Variants in ASPM observed in about 807,000 individuals in gnomAD.
ASPM encodes abnormal spindle-like microcephaly-associated protein.
In ASPM, 256 loss-of-function variants were observed where a neutral mutation model predicts 366.4. That is an observed-to-expected ratio of 0.70 (90% CI 0.63 to 0.77). The LOEUF (loss-of-function observed/expected upper bound fraction) is 0.77, where lower values mean the gene tolerates loss of function less well. ASPM is among the 30% of genes least tolerant of loss of function. The pLI is 0.00. For missense variants in ASPM, 4,146 were observed against 4,090.4 expected, an observed-to-expected ratio of 1.01 and a Z score of -0.37; for synonymous variants, 1,414 against 1,342.9, an observed-to-expected ratio of 1.05 and a Z score of -1.16.
intron 18 of ASPM, among the ~76,000 whole-genome samples, chr1:197,096,446 A>G (rs999158059): frequency 6.6e-6 from 1 of 151,740 alleles, no homozygotes; most frequent in Non-Finnish European, 1.5e-5. Context: ...ATTGTAAGAC[A>G]CACATGTCTG....
chr1:197,110,157 A>G lies in ASPM; in HGVS notation c.4066-4972T>C, dbSNP rs576427745. Among the ~76,000 whole-genome samples, 59 of 152,186 alleles carry G rather than the reference A, an allele frequency of 3.9e-4. 1 individual carries two copies. The highest frequency in any genetic ancestry group is 1.1e-3 in the African/African-American group (46 of 41,556). Reference sequence around the variant, plus strand: ...AAAGAATAAAATTGGACGAATCACAATATCCATTAAGGCTTACTATAAAGC... The same window carrying G: ...AAAGAATAAAATTGGACGAATCACAGTATCCATTAAGGCTTACTATAAAGC... On this transcript the variant is annotated intron_variant, in intron 17 of 27. Coordinates refer to ENST00000367409, the MANE Select transcript of ASPM (RefSeq NM_018136.5).
rs753872478 is a variant in ASPM, at chr1:197,096,083, A to C, written c.8902T>G (p.Trp2968Gly). 1 of 1,609,798 alleles carries C rather than the reference A, an allele frequency of 6.2e-7. No individual in the cohort carries two copies. Among genetic ancestry groups the C allele is most frequent in the Non-Finnish European group, 8.5e-7 (1 of 1,176,718 alleles). ...ACKIQAWYRC[W>G]RAHKEYLAIL... ...GCTAGATATTCTTTGTGTGCTCTCC[A>C]ACATCTATACCAGGCTTGAATCTTG... Residue 2968 changes from tryptophan to glycine, a missense_variant, in exon 19 of 28, where the codon TGG (tryptophan) becomes GGG (glycine). Coordinates refer to ENST00000367409, the MANE Select transcript of ASPM (RefSeq NM_018136.5).
chr1:197,088,903 T>G (rs989600295), intron 25 of ASPM, among the ~76,000 whole-genome samples: 11 of 152,024 alleles, frequency 7.2e-5, no homozygotes, highest in African/African-American at 2.7e-4. Flanking sequence ...ATACATATGA[T>G]GCTAGTAAGT....
chr1:197,122,633 AGAAAGTAGTATAG>A, intron 13 of ASPM, 38 bp from the exon 14 acceptor site: 1 of 1,508,946 alleles, frequency 6.6e-7, no homozygotes, highest in Non-Finnish European at 9.1e-7. Flanking sequence ...AACCGCATTT[AGAAAGTAGTATAG>A]ACATAATGGT....
chr1:197,094,146 GA>G lies in ASPM; in HGVS notation c.9021del (p.Gln3008ArgfsTer12), dbSNP rs1191792947. On this transcript the variant is annotated frameshift_variant, in exon 20 of 28. Transcript: ENST00000367409. LOFTEE classifies it high-confidence loss of function. ...FLNVRASAII[I>X]QRKWRAILPA... ...GGAAGTATAGCTCTCCATTTTCTCTGAATGATAATTGCTGATGCTCTCACAT... is the reference window on the plus strand; with the variant it reads ...GGAAGTATAGCTCTCCATTTTCTCTGATGATAATTGCTGATGCTCTCACAT... The G allele has an allele frequency of 1.2e-6, 2 of 1,607,132 alleles. No individual in the cohort carries two copies. The highest frequency in any genetic ancestry group is 1.7e-6 in the Non-Finnish European group (2 of 1,175,820).
Position 197,102,317 on chromosome 1 carries a change from G to T in ASPM, c.6934C>A (p.Gln2312Lys), listed in dbSNP as rs1243117687. 1.2e-6 allele frequency: 2 copies of T among 1,612,614 alleles called. No homozygotes were observed. The highest frequency in any genetic ancestry group is 1.7e-6 in the Non-Finnish European group (2 of 1,179,210). The change falls in exon 18 of 28, where the codon CAA becomes AAA. Residue 2312 changes from glutamine (Q) to lysine (K), a missense_variant. Coordinates refer to ENST00000367409, the MANE Select transcript of ASPM (RefSeq NM_018136.5). ...TKHHLQFLQV[Q>K]NAVIKIQSSY... is the part of the protein sequence containing the mutation. The stretch of plus-strand genomic sequence containing the variant: ...GACTGGATTTTAATAACTGCATTTT[G>T]TACCTGAAGGAACTGTAAGTGATGC...
rs1657783084 is a variant in ASPM at position 197,117,788 on chromosome 1, C to T, written c.4065+1G>A. The T allele has an allele frequency of 1.2e-6, 2 of 1,610,502 alleles. No individual in the cohort carries two copies. Among genetic ancestry groups the T allele is most frequent in the Non-Finnish European group, 1.7e-6 (2 of 1,178,414 alleles). On this transcript the variant is annotated splice_donor_variant, in intron 17 of 27. Coordinates refer to ENST00000367409, the MANE Select transcript of ASPM (RefSeq NM_018136.5). LOFTEE classifies it high-confidence loss of function. The stretch of plus-strand genomic sequence containing the variant: ...TCAAAAATTAGTCCAGGATACTATA[C>T]CTGAATAAGTGATGCTGCTTTATTT...
chr1:197,087,123 G>A, intron 26 of ASPM, 151 bp from the exon 27 acceptor site: 1 of 697,836 alleles, frequency 1.4e-6, no homozygotes, highest in Non-Finnish European at 2.3e-6. Context: ...CGCCCAGGCT[G>A]AAGTGCAGTG....
intron 4 of ASPM, among the ~76,000 whole-genome samples, chr1:197,138,272 G>A (rs1658478291): frequency 6.6e-6 from 1 of 152,156 alleles, no homozygotes; most frequent in Non-Finnish European, 1.5e-5. Flanking sequence ...AATCTGAAAA[G>A]ATGGACACAG....
chr1:197,102,348 A>G lies in ASPM; in HGVS notation c.6903T>C (p.Cys2301=), dbSNP rs773083614. 1 of 1,612,646 alleles carries G rather than the reference A, an allele frequency of 6.2e-7. No individual in the cohort carries two copies. The highest frequency in any genetic ancestry group is 1.7e-5 in the Admixed American group (1 of 59,774). The change falls in exon 18 of 28, where the codon TGT becomes TGC. Residue 2301 remains cysteine, a synonymous_variant. Coordinates refer to ENST00000367409, the MANE Select transcript of ASPM (RefSeq NM_018136.5). ...LIQRKYRAHL[C]TKHHLQFLQV... ...GAAGGAACTGTAAGTGATGCTTTGT[A>G]CAAAGATGTGCCCGATATTTTCTCT...
chr1:197,102,558 T>C lies in ASPM; in HGVS notation c.6693A>G (p.Ile2231Met). Reference sequence around the variant, plus strand: ...TCAGTTTGTTATACCTTTGAAATTGTATGTTTCTTTCTTTCATTGCCCAGT... The same window carrying C: ...TCAGTTTGTTATACCTTTGAAATTGCATGTTTCTTTCTTTCATTGCCCAGT... The part of the protein sequence containing the change: ...QRYWAMKERN[I>M]QFQRYNKLRH... Residue 2231 changes from isoleucine to methionine, a missense_variant, in exon 18 of 28, where the codon ATA becomes ATG. By Grantham distance (10) the Ile-to-Met change is conservative. This residue lies in a region of ASPM where 3,624 missense variants were observed against 3,591.7 expected (regional missense o/e 1.01). Coordinates refer to ENST00000367409, the MANE Select transcript of ASPM (RefSeq NM_018136.5). 1 of 1,612,262 alleles carries C rather than the reference T, an allele frequency of 6.2e-7. No homozygotes were observed. Among genetic ancestry groups the C allele is most frequent in the Non-Finnish European group, 8.5e-7 (1 of 1,179,030 alleles).
rs548311399 is a variant in ASPM at position 197,126,610 on chromosome 1, T to C, written c.2937-1419A>G. Among the ~76,000 whole-genome samples the C allele has an allele frequency of 2.6e-5, 4 of 152,108 alleles. No homozygotes were observed. In the South Asian group the frequency reaches 8.3e-4, roughly 32 times the overall value. ...GCTTGAATTTATTAAATAAACAAAT[T>C]AACCAACTAAAAAAATGTGAAATAT... is the stretch of plus-strand genomic sequence containing the variant. On this transcript the variant is annotated intron_variant, in intron 10 of 27. Coordinates refer to ENST00000367409, the MANE Select transcript of ASPM (RefSeq NM_018136.5).
rs1342951857 is a variant in ASPM, at chr1:197,091,322, T to G, written c.9445-281A>C. Among the ~76,000 whole-genome samples, 5 of 152,036 alleles carry G rather than the reference T, an allele frequency of 3.3e-5. No individual in the cohort carries two copies. The South Asian group carries it at 1.0e-3, about 31-fold the overall frequency. Reference sequence around the variant, plus strand: ...TTACAATTCTACCAAACTGCATGTATCATTCTGCATTTTTTTTACTAAATA... The same window carrying G: ...TTACAATTCTACCAAACTGCATGTAGCATTCTGCATTTTTTTTACTAAATA... On this transcript the variant is annotated intron_variant, in intron 22 of 27. Coordinates refer to ENST00000367409, the MANE Select transcript of ASPM (RefSeq NM_018136.5).
At chr1:197,138,097 A>C (rs1658474969) in intron 4 of ASPM, among the ~76,000 whole-genome samples, 1 of 152,202 alleles carries the variant, frequency 6.6e-6, no homozygotes, top group Non-Finnish European at 1.5e-5. Context: ...TTTAGATATA[A>C]AATGTAAAAG....
intron 16 of ASPM, among the ~76,000 whole-genome samples, chr1:197,118,579 AC>A (rs1164667085): frequency 6.6e-6 from 1 of 151,976 alleles, no homozygotes; most frequent in Non-Finnish European, 1.5e-5. Context: ...AGAAGGCAAT[AC>A]CCCCCATATC....
chr1:197,093,098 G>A lies in ASPM; in HGVS notation c.9248C>T (p.Thr3083Ile). The A allele has an allele frequency of 1.2e-6, 2 of 1,612,094 alleles. No homozygotes were observed. Among genetic ancestry groups the A allele is most frequent in the Non-Finnish European group, 1.7e-6 (2 of 1,178,742 alleles). ...RIKYIEFKKS[T>I]VILQALVRGW... ...ACGCACCAGTGCTTGTAGGATAACTGTAGATTTTTTAAATTCAATATATTT... is the reference window on the plus strand; with the variant it reads ...ACGCACCAGTGCTTGTAGGATAACTATAGATTTTTTAAATTCAATATATTT... The change falls in exon 21 of 28, where the codon ACA becomes ATA. Residue 3083 changes from threonine (T) to isoleucine (I), a missense_variant. Thr to Ile is a moderately conservative substitution (Grantham distance 89). Coordinates refer to ENST00000367409, the MANE Select transcript of ASPM (RefSeq NM_018136.5).
At chr1:197,124,775 GGTT>G in intron 12 of ASPM, 92 bp downstream of exon 12, 3 of 996,920 alleles carry the variant, frequency 3.0e-6, no homozygotes, top group East Asian at 2.4e-5. Flanking sequence ...ATTAAATGAT[GGTT>G]GTTGTTGTTA....
At chr1:197,139,570 G>C (rs999017669) in intron 4 of ASPM, among the ~76,000 whole-genome samples, 197 bp downstream of exon 4, 4 of 152,174 alleles carry the variant, frequency 2.6e-5, no homozygotes, top group African/African-American at 9.7e-5. Flanking sequence ...TGACCCTACT[G>C]ATCTATTGAA....
In ASPM at chr1:197,103,101, T is replaced by C. The variant is rs760990523; in HGVS notation, c.6150A>G (p.Ile2050Met). 1 of 1,612,848 alleles carries C rather than the reference T, an allele frequency of 6.2e-7. No homozygotes were observed. The highest frequency in any genetic ancestry group is 1.1e-5 in the South Asian group (1 of 91,060). ...IKDCNKAAVT[I>M]QSKYRAYKTK... ...TTTTGTAAGCTCTGTATTTAGACTG[T>C]ATAGTGACTGCTGCTTTGTTGCAAT... The change falls in exon 18 of 28, where the codon ATA (isoleucine) becomes ATG (methionine). Residue 2050 changes from isoleucine to methionine, a missense_variant. Ile to Met is a conservative substitution (Grantham distance 10). This residue lies in a region of ASPM where 3,624 missense variants were observed against 3,591.7 expected (regional missense o/e 1.01). Transcript: ENST00000367409.
Sources: allele counts gnomAD v4.1 joint callset (sites outside exome capture counted in the v4.1 genomes callset), GRCh38; gene constraint gnomAD v4.1.1; regional missense constraint gnomAD v4.1.1; transcripts MANE v1.5; gene names NCBI Gene and HGNC (gene_info 2026-07-23, HGNC 2026-07-21).